The following NRXN3 variants were observed in gnomAD, a reference collection of about 807,000 sequenced individuals.
NRXN3 encodes the protein neurexin III.
Under a neutral mutation model 137.6 loss-of-function variants are expected in NRXN3, and 32 were observed. The ratio of observed to expected loss-of-function variants is 0.23; its 90% CI spans 0.18 to 0.31. The LOEUF is 0.31. NRXN3 is among the 10% of genes least tolerant of loss of function. The probability of loss-of-function intolerance (pLI) is 1.00; values close to 1 mark genes in which losing one functional copy is unlikely to be tolerated. For synonymous variants in NRXN3, 798 were observed against 784.5 expected (o/e 1.02, Z -0.29); for missense variants, 1,574 against 2,062.5 (o/e 0.76, Z 4.59).
chr14:78,898,459 A>G (rs1035014052), intron 10 of NRXN3, among the ~76,000 whole-genome samples: 1 of 151,878 alleles, frequency 6.6e-6, no homozygotes, highest in Admixed American at 6.6e-5. Flanking sequence ...TCTTCAAAGC[A>G]CAAGAATGAG....
intron 6 of NRXN3, among the ~76,000 whole-genome samples, chr14:78,685,702 A>C (rs2098119349): frequency 6.9e-6 from 1 of 144,210 alleles, no homozygotes; most frequent in African/African-American, 2.6e-5. Flanking sequence ...GCATGATCTC[A>C]GCCCACCACA....
intron 19 of NRXN3, among the ~76,000 whole-genome samples, chr14:79,786,328 G>C (rs1264641435): frequency 6.6e-6 from 1 of 152,164 alleles, no homozygotes; most frequent in African/African-American, 2.4e-5. Context: ...TTAAAATGCA[G>C]ATATTGTTAT....
chr14:78,518,546 A>C (rs966980561), intron 4 of NRXN3, among the ~76,000 whole-genome samples: 2 of 152,162 alleles, frequency 1.3e-5, no homozygotes, highest in African/African-American at 2.4e-5. Context: ...ATGAACTGTC[A>C]AAACCTCTGG....
chr14:79,836,277 C>T (rs553361169), intron 20 of NRXN3, among the ~76,000 whole-genome samples: 14 of 152,242 alleles, frequency 9.2e-5, no homozygotes, highest in South Asian at 2.1e-4. Context: ...GCCCACTCTG[C>T]TTTTCTAGTT....
intron 8 of NRXN3, among the ~76,000 whole-genome samples, chr14:78,730,373 C>T (rs2098509187): frequency 1.3e-5 from 2 of 151,952 alleles, no homozygotes; most frequent in Admixed American, 6.5e-5. Context: ...TTTTCTTTTT[C>T]CTGTTTCCTC....
chr14:78,778,716 TTCTTTCTTTCTTTC>T (rs1451775742), intron 8 of NRXN3, among the ~76,000 whole-genome samples: 20 of 148,582 alleles, frequency 1.3e-4, no homozygotes, highest in African/African-American at 4.5e-4. Context: ...CTTTCTTTCT[TTCTTTCTTTCTTTC>T]TCTCTCTCTT....
At chr14:78,315,715 T>C (rs938087069) in intron 4 of NRXN3, among the ~76,000 whole-genome samples, 1 of 152,198 alleles carries the variant, frequency 6.6e-6, no homozygotes, top group Non-Finnish European at 1.5e-5. Flanking sequence ...CCTGATTCAA[T>C]AGGATTTTGT....
chr14:78,632,486 C>G (rs1452745103), intron 4 of NRXN3, among the ~76,000 whole-genome samples: 1 of 151,968 alleles, frequency 6.6e-6, no homozygotes, highest in Non-Finnish European at 1.5e-5. Context: ...AAAAGATACA[C>G]AAACCTAAAT....
Position 79,624,814 on chromosome 14 carries a change from T to G in NRXN3, c.3445-38964T>G, listed in dbSNP as rs12882786. ...CCGTTTTTTTTTTTGTTTGTTTTTG[T>G]TTTTTTTTAAACAAGATCTCACACT... is the stretch of plus-strand genomic sequence containing the variant. On this transcript the variant is annotated intron_variant, in intron 16 of 20. Coordinates refer to ENST00000335750, the MANE Select transcript of NRXN3 (RefSeq NM_001330195.2). Among the ~76,000 whole-genome samples the G allele has an allele frequency of 4.4e-5, 6 of 135,062 alleles. No homozygotes were observed. In the East Asian group the frequency reaches 7.8e-4, roughly 17 times the overall value. The allele number at this position is 135,062 out of a possible 152,430, so 88.6% of individuals were successfully genotyped here. A position where few individuals can be genotyped will look rare whatever the true frequency, so the allele number is the denominator to read the frequency against.
At chr14:79,058,311 G>A (rs1383627450) in intron 15 of NRXN3, among the ~76,000 whole-genome samples, 1 of 152,124 alleles carries the variant, frequency 6.6e-6, no homozygotes, top group Non-Finnish European at 1.5e-5. Flanking sequence ...GGGGAAAAAA[G>A]AGGGTCTGTG....
intron 15 of NRXN3, chr14:79,280,831 C>CCTG: frequency 8.3e-6 from 3 of 360,010 alleles, no homozygotes; most frequent in Non-Finnish European, 1.6e-5. Flanking sequence ...ACCTTCTACT[C>CCTG]TCTCCACCCC....
chr14:79,072,409 T>A (rs1160901839), intron 15 of NRXN3: 1 of 152,220 alleles, frequency 6.6e-6, no homozygotes, highest in Non-Finnish European at 1.5e-5. Flanking sequence ...GCTGAGTAGA[T>A]GATGCTGACT....
intron 4 of NRXN3, among the ~76,000 whole-genome samples, chr14:78,527,688 C>A (rs968612839): frequency 6.6e-6 from 1 of 151,998 alleles, no homozygotes; most frequent in African/African-American, 2.4e-5. Context: ...GAGTGGGAGG[C>A]AAATAGGAGA....
intron 10 of NRXN3, among the ~76,000 whole-genome samples, chr14:78,833,050 T>C (rs1047864566): frequency 2.6e-5 from 4 of 152,200 alleles, no homozygotes; most frequent in East Asian, 1.9e-4. Context: ...ATAGACTCCA[T>C]GAGGCTGAGG....
At chr14:79,693,347 A>T (rs2098723172) in intron 18 of NRXN3, among the ~76,000 whole-genome samples, 1 of 152,042 alleles carries the variant, frequency 6.6e-6, no homozygotes, top group African/African-American at 2.4e-5. Context: ...GGAGGAAGAC[A>T]TTCAGACCTT....
At chr14:79,067,393 C>T (rs1315848354) in intron 15 of NRXN3, among the ~76,000 whole-genome samples, 2 of 152,048 alleles carry the variant, frequency 1.3e-5, no homozygotes, top group African/African-American at 2.4e-5. Context: ...ATTTTTGCAT[C>T]AATATTTATC....
rs1567252132 is a variant in NRXN3 at position 79,484,980 on chromosome 14, ATATTT to A, written c.3444+17585_3444+17589del. Among the ~76,000 whole-genome samples the A allele has an allele frequency of 2.0e-5, 3 of 152,262 alleles. No homozygotes were observed. The South Asian group carries it at 6.2e-4, about 32-fold the overall frequency. On this transcript the variant is annotated intron_variant, in intron 16 of 20. Transcript: ENST00000335750. ...GCATAGAATTGTAATTTATTGATGA[ATATTT>A]TATTTTCTGAGAAAAGTTGGTTATT...
At chr14:78,889,110 C>A (rs2099151920) in intron 10 of NRXN3, among the ~76,000 whole-genome samples, 1 of 151,916 alleles carries the variant, frequency 6.6e-6, no homozygotes, top group Admixed American at 6.6e-5. Context: ...TCATACATAG[C>A]AAGATGCAGG....
chr14:78,917,955 G>A (rs2099260002), intron 10 of NRXN3, among the ~76,000 whole-genome samples: 3 of 128,442 alleles, frequency 2.3e-5, no homozygotes, highest in Non-Finnish European at 3.2e-5. Context: ...ATGTGATTTT[G>A]CAAAAATAAA....
Sources: allele counts gnomAD v4.1 joint callset (sites outside exome capture counted in the v4.1 genomes callset), GRCh38; gene constraint gnomAD v4.1.1; transcripts MANE v1.5; gene names NCBI Gene and HGNC (gene_info 2026-07-23, HGNC 2026-07-21).